Variants in DNAJC3 observed in about 807,000 individuals in gnomAD.
DNAJC3 encodes the protein DnaJ heat shock protein family (Hsp40) member C3.
In DNAJC3, 38 loss-of-function variants were observed where a neutral mutation model predicts 68.6. The observed-to-expected ratio is 0.55, with a 90% CI of 0.43 to 0.73. The LOEUF (loss-of-function observed/expected upper bound fraction) is 0.73, where lower values mean the gene tolerates loss of function less well. DNAJC3 is among the 30% of genes least tolerant of loss of function. The pLI is 0.00. For missense variants in DNAJC3, 526 were observed against 591.9 expected (o/e 0.89, Z 1.16); for synonymous variants, 203 against 204.0 (o/e 1.00, Z 0.04).
At chr13:95,717,272 A>G (rs1881181296) in intron 2 of DNAJC3, among the ~76,000 whole-genome samples, 1 of 152,236 alleles carries the variant, frequency 6.6e-6, no homozygotes, top group African/African-American at 2.4e-5. Flanking sequence ...GAATCCAAAA[A>G]CAAAATCCAT....
At chr13:95,681,893 AATTC>A (rs1330539876) in intron 1 of DNAJC3, among the ~76,000 whole-genome samples, 1 of 152,152 alleles carries the variant, frequency 6.6e-6, no homozygotes, top group East Asian at 1.9e-4. Flanking sequence ...TCTACCTCAA[AATTC>A]ACTAGCTTAT....
At chr13:95,766,609 G>C (rs1883000249) in intron 9 of DNAJC3, among the ~76,000 whole-genome samples, 1 of 152,036 alleles carries the variant, frequency 6.6e-6, no homozygotes, top group Admixed American at 6.6e-5. Flanking sequence ...ATGAATGAAG[G>C]TAATTTATTT....
chr13:95,680,255 T>G (rs543207764), intron 1 of DNAJC3, among the ~76,000 whole-genome samples: 1 of 152,368 alleles, frequency 6.6e-6, no homozygotes, highest in Admixed American at 6.5e-5. Flanking sequence ...TTTTTCTTCC[T>G]TAACATGCTA....
At chr13:95,763,782 C>G (rs1159113174) in intron 8 of DNAJC3, 34 bp downstream of exon 8, 1 of 1,613,708 alleles carries the variant, frequency 6.2e-7, no homozygotes, top group South Asian at 1.1e-5. Flanking sequence ...AATGTGAAAA[C>G]TCAACATGTG....
At chr13:95,749,741 A>AG (rs1407042587) in intron 4 of DNAJC3, among the ~76,000 whole-genome samples, 2 of 151,644 alleles carry the variant, frequency 1.3e-5, no homozygotes, top group Non-Finnish European at 2.9e-5. Context: ...CACAGCATAA[A>AG]GTGCTATCTT....
At chr13:95,718,418 T>C (rs1881218613) in intron 2 of DNAJC3, among the ~76,000 whole-genome samples, 2 of 152,204 alleles carry the variant, frequency 1.3e-5, no homozygotes, top group African/African-American at 2.4e-5. Context: ...TCTAAGAAAA[T>C]TGAGACGGAG....
intron 9 of DNAJC3, among the ~76,000 whole-genome samples, chr13:95,782,140 T>C (rs754830240): frequency 1.8e-4 from 27 of 152,218 alleles, no homozygotes; most frequent in Non-Finnish European, 1.6e-4. Context: ...GAACTCACCT[T>C]TTTTATGGCT....
At chr13:95,700,851 A>T (rs1156453317) in intron 1 of DNAJC3, among the ~76,000 whole-genome samples, 2 of 152,144 alleles carry the variant, frequency 1.3e-5, no homozygotes, top group East Asian at 3.9e-4. Flanking sequence ...TATCATGTAG[A>T]TACTGAATTG....
intron 2 of DNAJC3, among the ~76,000 whole-genome samples, chr13:95,722,834 C>G (rs1010231109): frequency 3.3e-5 from 1 of 30,486 alleles, no homozygotes; most frequent in Non-Finnish European, 1.1e-4. Flanking sequence ...CCCCCCCCCC[C>G]CCCCCGCCGA....
rs1211913277 is a variant in DNAJC3, at chr13:95,687,426, A to AGT, written c.82+10091_82+10092dup. ...TACTATGTTGAATTGGAATAGTAAG[A>AGT]GTGAACATCATTGTCCTGTTCCAAT... On this transcript the variant is annotated intron_variant, in intron 1 of 11. Transcript: ENST00000602402. 3.9e-5 allele frequency among the ~76,000 whole-genome samples: 6 copies of AGT among 152,196 alleles called. No homozygotes were observed. The East Asian group carries it at 1.2e-3, about 29-fold the overall frequency.
Position 95,776,956 on chromosome 13 carries a change from C to T in DNAJC3, c.1076-8983C>T, listed in dbSNP as rs140964526. ...CATCAGGGCACACGCTCTGCTCTGT[C>T]GCTGTTAGTCCCCTGCTTTGTGTTA... is the stretch of plus-strand genomic sequence containing the variant. On this transcript the variant is annotated intron_variant, in intron 9 of 11. Coordinates refer to ENST00000602402, the MANE Select transcript of DNAJC3 (RefSeq NM_006260.5). 1.5e-3 allele frequency among the ~76,000 whole-genome samples: 233 copies of T among 152,302 alleles called. 1 individual carries two copies. The highest frequency in any genetic ancestry group is 5.4e-3 in the African/African-American group (224 of 41,568).
chr13:95,745,394 A>G (rs1296872936), intron 4 of DNAJC3: 1 of 152,234 alleles, frequency 6.6e-6, no homozygotes, highest in Non-Finnish European at 1.5e-5. Context: ...AAGAACTGCT[A>G]CAAAGCATCT....
intron 5 of DNAJC3, among the ~76,000 whole-genome samples, chr13:95,758,491 T>G (rs1299618047): frequency 6.7e-6 from 1 of 150,002 alleles, no homozygotes; most frequent in Non-Finnish European, 1.5e-5. Flanking sequence ...AAAAGAAAAT[T>G]AGCTGGGTGT....
At chr13:95,738,395 G>A (rs1261601583) in intron 4 of DNAJC3, among the ~76,000 whole-genome samples, 3,137 of 148,700 alleles carry the variant, frequency 0.021, 44 homozygotes, top group Non-Finnish European at 0.034. Flanking sequence ...TTTCTGTCTC[G>A]TTGATCTGTC....
chr13:95,738,765 G>A (rs1882020800), intron 4 of DNAJC3, among the ~76,000 whole-genome samples: 1 of 152,152 alleles, frequency 6.6e-6, no homozygotes, highest in Non-Finnish European at 1.5e-5. Context: ...GATGGGTCTT[G>A]ACTCTTTATC....
At position 95,792,380 on chromosome 13, in the gene DNAJC3, C is replaced by G. The variant is rs1428547849; in HGVS notation, c.*1350C>G. 6.6e-6 allele frequency: 1 copy of G among 152,176 alleles called. No individual in the cohort carries two copies. The highest frequency in any genetic ancestry group is 1.5e-5 in the Non-Finnish European group (1 of 68,020). 9.4% of individuals were successfully genotyped at this position (152,176 alleles called of 1,614,324 possible). A position where few individuals can be genotyped will look rare whatever the true frequency, so the allele number is the denominator to read the frequency against. ...AATTACTTTAGATAGATAGGAATTG[C>G]TACCTTTATTCTGGAAAGGTTTTGT... is the stretch of plus-strand genomic sequence containing the variant. On this transcript the variant is annotated 3_prime_UTR_variant, in exon 12 of 12. Coordinates refer to ENST00000602402, the MANE Select transcript of DNAJC3 (RefSeq NM_006260.5).
intron 1 of DNAJC3, among the ~76,000 whole-genome samples, chr13:95,698,494 C>T (rs968814179): frequency 6.6e-6 from 1 of 152,198 alleles, no homozygotes; most frequent in Non-Finnish European, 1.5e-5. Context: ...GAGGTCTCTG[C>T]TGCATGTTAG....
chr13:95,750,023 A>C (rs1368467107), intron 4 of DNAJC3, among the ~76,000 whole-genome samples: 1 of 151,928 alleles, frequency 6.6e-6, no homozygotes, highest in Admixed American at 6.6e-5. Context: ...TAAAGATAGC[A>C]CTTTATGCTG....
intron 4 of DNAJC3, among the ~76,000 whole-genome samples, chr13:95,756,510 C>T (rs1242014725): frequency 3.3e-5 from 5 of 152,144 alleles, no homozygotes; most frequent in Admixed American, 6.5e-5. Flanking sequence ...GTATAAAACC[C>T]TTACCAAGAA....
Sources: allele counts gnomAD v4.1 joint callset (sites outside exome capture counted in the v4.1 genomes callset), GRCh38; gene constraint gnomAD v4.1.1; transcripts MANE v1.5; gene names NCBI Gene and HGNC (gene_info 2026-07-23, HGNC 2026-07-21).